The following ROR1 variants were observed in gnomAD, a reference collection of about 807,000 sequenced individuals.
ROR1 encodes ROR family WNT receptor 1.
ROR1 carries 19 observed loss-of-function variants against 78.8 expected under a neutral mutation model. The ratio of observed to expected loss-of-function variants is 0.24; its 90% confidence interval spans 0.17 to 0.35. ROR1 has a LOEUF of 0.35. Among genes scored for constraint, ROR1 ranks in the 10% least tolerant of loss-of-function variants. The probability of loss-of-function intolerance (pLI) is 1.00; values close to 1 mark genes in which losing one functional copy is unlikely to be tolerated. For synonymous variants in ROR1, 386 were observed against 433.6 expected, an observed-to-expected ratio of 0.89 and a Z score of 1.36; for missense variants, 917 against 1,177.8, an observed-to-expected ratio of 0.78 and a Z score of 3.24.
intron 8 of ROR1, among the ~76,000 whole-genome samples, chr1:64,166,263 A>T (rs1650086564): frequency 6.6e-6 from 1 of 152,178 alleles, no homozygotes; most frequent in African/African-American, 2.4e-5. Flanking sequence ...TCTTTTGGTT[A>T]CTGTAGCCCT....
At chr1:63,995,821 G>C (rs1646332709) in intron 1 of ROR1, among the ~76,000 whole-genome samples, 2 of 152,134 alleles carry the variant, frequency 1.3e-5, no homozygotes, top group Non-Finnish European at 2.9e-5. Context: ...TATCAAAAAA[G>C]ATTGGTTAGG....
At chr1:63,989,162 G>GTTT (rs1287163623) in intron 1 of ROR1, among the ~76,000 whole-genome samples, 2 of 117,382 alleles carry the variant, frequency 1.7e-5, no homozygotes, top group Non-Finnish European at 3.8e-5. Flanking sequence ...GTCATTTTCT[G>GTTT]TTTTTGTTTT....
At chr1:63,818,474 C>A (rs900700983) in intron 1 of ROR1, among the ~76,000 whole-genome samples, 1 of 152,210 alleles carries the variant, frequency 6.6e-6, no homozygotes, top group African/African-American at 2.4e-5. Flanking sequence ...CTTGTTTCTC[C>A]ATCTAACCTC....
intron 1 of ROR1, among the ~76,000 whole-genome samples, chr1:63,986,712 G>A (rs1646254966): frequency 6.6e-6 from 1 of 151,884 alleles, no homozygotes; most frequent in African/African-American, 2.4e-5. Flanking sequence ...AGTCAACATG[G>A]TGGAGACTCT....
At chr1:63,952,104 T>C (rs1174952930) in intron 1 of ROR1, among the ~76,000 whole-genome samples, 1 of 151,902 alleles carries the variant, frequency 6.6e-6, no homozygotes, top group Non-Finnish European at 1.5e-5. Context: ...CAAGGGGGGA[T>C]ATAGGGTTAG....
At chr1:63,789,706 C>G (rs1382806598) in intron 1 of ROR1, among the ~76,000 whole-genome samples, 2 of 99,980 alleles carry the variant, frequency 2.0e-5, no homozygotes, top group East Asian at 6.5e-4. Context: ...TGTCTTTAAA[C>G]AGGCACTGTC....
At chr1:64,087,939 C>A (rs910857812) in intron 4 of ROR1, among the ~76,000 whole-genome samples, 2 of 152,072 alleles carry the variant, frequency 1.3e-5, no homozygotes, top group Non-Finnish European at 2.9e-5. Flanking sequence ...CAGAGAAAGG[C>A]CAGTACACTG....
At chr1:63,858,027 G>A (rs1426669136) in intron 1 of ROR1, among the ~76,000 whole-genome samples, 1 of 142,692 alleles carries the variant, frequency 7.0e-6, no homozygotes, top group Non-Finnish European at 1.5e-5. Flanking sequence ...AGGCACATGG[G>A]AACCCTCTCC....
intron 4 of ROR1, among the ~76,000 whole-genome samples, chr1:64,133,064 G>A (rs1648978562): frequency 6.6e-6 from 1 of 152,124 alleles, no homozygotes; most frequent in Non-Finnish European, 1.5e-5. Context: ...GAAATCTGTG[G>A]AATGGTTTGA....
chr1:63,878,859 G>T (rs1026148135), intron 1 of ROR1, among the ~76,000 whole-genome samples: 1 of 152,122 alleles, frequency 6.6e-6, no homozygotes. Flanking sequence ...AACTTCAGGA[G>T]AGTGCAGACC....
intron 1 of ROR1, among the ~76,000 whole-genome samples, chr1:63,921,033 C>T (rs187110425): frequency 1.1e-4 from 17 of 152,240 alleles, no homozygotes; most frequent in Non-Finnish European, 1.6e-4. Context: ...ACCCTACAAA[C>T]GGACTAAATT....
intron 2 of ROR1, among the ~76,000 whole-genome samples, chr1:64,011,194 A>G (rs545994441): frequency 4.2e-4 from 64 of 152,298 alleles, no homozygotes; most frequent in African/African-American, 1.4e-3. Flanking sequence ...TTGACCTGAC[A>G]TTATTTTTCT....
intron 1 of ROR1, among the ~76,000 whole-genome samples, chr1:63,874,885 A>G (rs1029012009): frequency 1.1e-4 from 16 of 152,040 alleles, no homozygotes; most frequent in Non-Finnish European, 2.4e-4. Flanking sequence ...TTTTTTTGTA[A>G]AATACTGTAA....
chr1:64,019,175 T>G (rs1646544975), intron 2 of ROR1, among the ~76,000 whole-genome samples: 1 of 152,216 alleles, frequency 6.6e-6, no homozygotes, highest in African/African-American at 2.4e-5. Flanking sequence ...TTTAGAGTTC[T>G]TCTAGGCTAA....
Position 63,839,286 on chromosome 1 carries a change from C to T in ROR1, c.91+64778C>T, listed in dbSNP as rs142371642. Reference sequence around the variant, plus strand: ...TTGGACGGGGAAGCCAGATTTTGACCATATTTCTAAGAGGAGCTGTTCTGT... The same window carrying T: ...TTGGACGGGGAAGCCAGATTTTGACTATATTTCTAAGAGGAGCTGTTCTGT... On this transcript the variant is annotated intron_variant, in intron 1 of 8. Transcript: ENST00000371079. Among the ~76,000 whole-genome samples the T allele has an allele frequency of 7.7e-3, 1,177 of 152,168 alleles. 8 individuals carry two copies. The highest frequency in any genetic ancestry group is 0.013 in the Non-Finnish European group (887 of 68,018).
chr1:63,980,398 G>A (rs1646200920), intron 1 of ROR1, among the ~76,000 whole-genome samples: 1 of 152,138 alleles, frequency 6.6e-6, no homozygotes, highest in African/African-American at 2.4e-5. Context: ...ACACAATACA[G>A]TGATTTAAGG....
In ROR1 at chr1:64,142,610, T is replaced by C; in HGVS notation, c.1134T>C (p.Asp378=). 1.2e-6 allele frequency: 2 copies of C among 1,614,132 alleles called. No homozygotes were observed. The highest frequency in any genetic ancestry group is 1.7e-6 in the Non-Finnish European group (2 of 1,180,024). The change falls in exon 7 of 9, where the codon GAT becomes GAC. Residue 378 remains aspartate, a synonymous_variant. Coordinates refer to ENST00000371079, the MANE Select transcript of ROR1 (RefSeq NM_005012.4). The part of the protein sequence containing the change: ...QKEAPWCFTL[D]ENFKSDLCDI... ...AAGCTCCCTGGTGCTTCACCTTGGA[T>C]GAAAACTTTAAGTCTGATCTGTGTG...
At chr1:63,818,035 C>T (rs1448025730) in intron 1 of ROR1, among the ~76,000 whole-genome samples, 1 of 152,180 alleles carries the variant, frequency 6.6e-6, no homozygotes, top group Non-Finnish European at 1.5e-5. Context: ...TCAGCCTTTA[C>T]AGTAACCCTG....
intron 1 of ROR1, among the ~76,000 whole-genome samples, chr1:63,890,521 G>A (rs976991844): frequency 6.6e-6 from 1 of 151,614 alleles, no homozygotes; most frequent in Admixed American, 6.6e-5. Context: ...CAAAGAGAAA[G>A]AAGGTTACAA....
Sources: gnomAD v4.1 joint callset for allele counts (sites outside exome capture counted in the v4.1 genomes callset) on GRCh38, gnomAD v4.1.1 for gene constraint, MANE v1.5 for transcripts, NCBI Gene and HGNC (gene_info 2026-07-23, HGNC 2026-07-21) for gene names.